The following CADM1 variants were observed in gnomAD, a reference collection of about 807,000 sequenced individuals.
CADM1 encodes TSLC-1.
In CADM1, 15 loss-of-function variants were observed where a neutral mutation model predicts 53.1. That is an observed-to-expected ratio of 0.28 (90% CI 0.19 to 0.44). CADM1 has a LOEUF of 0.44. CADM1 is among the 20% of genes least tolerant of loss of function. CADM1 has a pLI of 1.00. For missense variants in CADM1, 434 were observed against 611.3 expected (o/e 0.71, Z 3.06); for synonymous variants, 281 against 243.0 (o/e 1.16, Z -1.45).
intron 1 of CADM1, among the ~76,000 whole-genome samples, chr11:115,458,434 TA>T (rs1481516071): frequency 6.6e-6 from 1 of 151,304 alleles, no homozygotes; most frequent in Non-Finnish European, 1.5e-5. Flanking sequence ...ACAATAAATG[TA>T]AAATGTTTAC....
At chr11:115,414,232 C>A (rs1211961300) in intron 1 of CADM1, among the ~76,000 whole-genome samples, 1 of 151,860 alleles carries the variant, frequency 6.6e-6, no homozygotes, top group Non-Finnish European at 1.5e-5. Context: ...AGAAAAAAAA[C>A]ACCCAACACT....
In CADM1 at chr11:115,333,161, G is replaced by A. The variant is rs189586059; in HGVS notation, c.125-92741C>T. On this transcript the variant is annotated intron_variant, in intron 1 of 11. Coordinates refer to ENST00000331581, the MANE Select transcript of CADM1 (RefSeq NM_001301043.2). Reference sequence around the variant, plus strand: ...CAAGGCCAACCATCTTTTCTTACCTGATTTTCCCAATGGTGTCCTAATTAG... The same window carrying A: ...CAAGGCCAACCATCTTTTCTTACCTAATTTTCCCAATGGTGTCCTAATTAG... Among the ~76,000 whole-genome samples, 11 of 151,936 alleles carry A rather than the reference G, an allele frequency of 7.2e-5. 1 individual carries two copies. In the East Asian group the frequency reaches 1.7e-3, roughly 24 times the overall value.
At chr11:115,395,589 AG>A (rs1220218281) in intron 1 of CADM1, among the ~76,000 whole-genome samples, 4 of 152,224 alleles carry the variant, frequency 2.6e-5, no homozygotes, top group Admixed American at 6.5e-5. Flanking sequence ...ACACAAAAAA[AG>A]GTATGCAGAT....
intron 1 of CADM1, among the ~76,000 whole-genome samples, chr11:115,278,224 AT>A (rs1216696612): frequency 6.6e-6 from 1 of 152,204 alleles, no homozygotes; most frequent in Admixed American, 6.5e-5. Context: ...TGAGAAAAAA[AT>A]ATGTAAACAC....
chr11:115,177,707 C>G (rs1939101787), intron 11 of CADM1, among the ~76,000 whole-genome samples: 1 of 151,710 alleles, frequency 6.6e-6, no homozygotes. Flanking sequence ...GAGCTCTTGG[C>G]CAAACAGACT....
At chr11:115,427,106 G>A (rs1947911302) in intron 1 of CADM1, among the ~76,000 whole-genome samples, 1 of 152,120 alleles carries the variant, frequency 6.6e-6, no homozygotes, top group Non-Finnish European at 1.5e-5. Flanking sequence ...GCCAAGCATA[G>A]CAGATATAAA....
chr11:115,324,024 A>T (rs1171246064), intron 1 of CADM1, among the ~76,000 whole-genome samples: 1 of 39,682 alleles, frequency 2.5e-5, no homozygotes, highest in African/African-American at 1.0e-4. Flanking sequence ...ATCTGGGTTA[A>T]AGATGCTGTG....
intron 1 of CADM1, among the ~76,000 whole-genome samples, chr11:115,284,328 T>C (rs1943673590): frequency 6.6e-6 from 1 of 152,068 alleles, no homozygotes; most frequent in Non-Finnish European, 1.5e-5. Flanking sequence ...ACTGTCGATG[T>C]TGTCTGTTGC....
chr11:115,324,775 C>A (rs182338127), intron 1 of CADM1, among the ~76,000 whole-genome samples: 1 of 152,004 alleles, frequency 6.6e-6, no homozygotes, highest in African/African-American at 2.4e-5. Context: ...CTGTAGGTGG[C>A]GACAAACTCC....
intron 11 of CADM1, among the ~76,000 whole-genome samples, chr11:115,178,252 G>T (rs1476268162): frequency 6.6e-6 from 1 of 152,142 alleles, no homozygotes; most frequent in Non-Finnish European, 1.5e-5. Context: ...GAAATCCTCT[G>T]CCTCCCAGAA....
chr11:115,328,702 GTATATATA>G, intron 1 of CADM1, among the ~76,000 whole-genome samples: 1 of 10,134 alleles, frequency 9.9e-5, no homozygotes, highest in Non-Finnish European at 1.9e-4. Context: ...GTATATATAT[GTATATATA>G]TATGTGTATA....
chr11:115,248,905 G>T (rs1434144449), intron 1 of CADM1, among the ~76,000 whole-genome samples: 1 of 152,180 alleles, frequency 6.6e-6, no homozygotes, highest in Non-Finnish European at 1.5e-5. Flanking sequence ...CTGCTTAGAG[G>T]CCCTTGGGAG....
chr11:115,271,259 TTA>T (rs1200783201), intron 1 of CADM1, among the ~76,000 whole-genome samples: 6 of 151,952 alleles, frequency 3.9e-5, no homozygotes, highest in Non-Finnish European at 7.4e-5. Flanking sequence ...TGTATATAGT[TTA>T]TGTTGTTGTT....
intron 8 of CADM1, among the ~76,000 whole-genome samples, chr11:115,204,457 A>G (rs574185459): frequency 1.3e-5 from 2 of 152,350 alleles, no homozygotes; most frequent in South Asian, 4.1e-4. Context: ...CATAAGCACT[A>G]GCATCGTGCT....
At chr11:115,247,190 C>T (rs1397931841) in intron 1 of CADM1, among the ~76,000 whole-genome samples, 1 of 152,152 alleles carries the variant, frequency 6.6e-6, no homozygotes, top group East Asian at 1.9e-4. Context: ...AGTATAATGG[C>T]TCCTTTGGAG....
intron 1 of CADM1, among the ~76,000 whole-genome samples, chr11:115,469,035 G>T (rs991258995): frequency 6.6e-6 from 1 of 152,004 alleles, no homozygotes; most frequent in African/African-American, 2.4e-5. Context: ...ACCTCCCACC[G>T]GGTCCCTCCC....
chr11:115,400,607 ATATAT>A lies in CADM1; in HGVS notation c.124+103659_124+103663del, dbSNP rs1327587243. ...TATATATATATCTCTCATATATATA[ATATAT>A]ATCTTTTATATATATGTATCATATA... is the stretch of plus-strand genomic sequence containing the variant. On this transcript the variant is annotated intron_variant, in intron 1 of 11. Coordinates refer to ENST00000331581, the MANE Select transcript of CADM1 (RefSeq NM_001301043.2). Among the ~76,000 whole-genome samples, 132 of 133,928 alleles carry A rather than the reference ATATAT, an allele frequency of 9.9e-4. 2 individuals are homozygous for A. The highest frequency in any genetic ancestry group is 3.5e-3 in the African/African-American group (122 of 34,852). The allele number at this position is 133,928 out of a possible 152,430, so 87.9% of individuals were successfully genotyped here.
At chr11:115,499,941 A>G (rs1217354890) in intron 1 of CADM1, among the ~76,000 whole-genome samples, 1 of 152,322 alleles carries the variant, frequency 6.6e-6, no homozygotes, top group African/African-American at 2.4e-5. Flanking sequence ...ATATGTATAT[A>G]TAAGTATGTA....
intron 1 of CADM1, among the ~76,000 whole-genome samples, chr11:115,465,203 C>T (rs1948873495): frequency 6.6e-6 from 1 of 152,156 alleles, no homozygotes; most frequent in African/African-American, 2.4e-5. Context: ...ACTACCTCAG[C>T]ATACTACATC....
Sources: allele counts gnomAD v4.1 joint callset (sites outside exome capture counted in the v4.1 genomes callset), GRCh38; gene constraint gnomAD v4.1.1; transcripts MANE v1.5; gene names NCBI Gene and HGNC (gene_info 2026-07-23, HGNC 2026-07-21).